The following LHPP variants were observed in gnomAD, a reference collection of about 807,000 sequenced individuals.
LHPP encodes phospholysine phosphohistidine inorganic pyrophosphate phosphatase.
A neutral mutation model predicts 30.3 loss-of-function variants in LHPP; 24 were observed. The observed-to-expected ratio is 0.79, with a 90% CI of 0.57 to 1.11. The LOEUF is 1.11. Ranked by LOEUF, LHPP falls within the 50% of genes most tolerant of loss-of-function variation. The pLI is 0.00. For missense variants in LHPP, 356 were observed against 367.2 expected (o/e 0.97, Z 0.25); for synonymous variants, 150 against 157.1 (o/e 0.95, Z 0.34).
intron 6 of LHPP, among the ~76,000 whole-genome samples, chr10:124,599,613 G>A (rs944214067): frequency 1.3e-5 from 2 of 152,212 alleles, no homozygotes; most frequent in East Asian, 1.9e-4. Context: ...CAAGTCCCAC[G>A]TGTCACTGGA....
chr10:124,589,307 TA>T (rs750911055), intron 6 of LHPP, among the ~76,000 whole-genome samples: 2 of 152,274 alleles, frequency 1.3e-5, no homozygotes, highest in Non-Finnish European at 2.9e-5. Flanking sequence ...CCGCAGGTCC[TA>T]ATTCCTTATC....
intron 6 of LHPP, among the ~76,000 whole-genome samples, chr10:124,571,378 C>T (rs749024528): frequency 1.3e-4 from 20 of 152,266 alleles, no homozygotes; most frequent in African/African-American, 3.4e-4. Context: ...TTTTGAGTAA[C>T]GAGCGGCCAT....
In LHPP at chr10:124,592,841, G is replaced by A. The variant is rs989541768; in HGVS notation, c.717-20423G>A. ...ATTCCGTCTAGGAATCGTCCAGGGC[G>A]CGGCAGCCCGCCAGGAGCCCGGGCA... On this transcript the variant is annotated intron_variant, in intron 6 of 6. Transcript: ENST00000368842. This position sits in a 1 kb window ranked among gnomAD's most constrained non-coding sequence, Gnocchi z 6.2. Among the ~76,000 whole-genome samples the A allele has an allele frequency of 1.1e-4, 16 of 152,378 alleles. 1 individual carries two copies. Among genetic ancestry groups the A allele is most frequent in the African/African-American group, 3.6e-4 (15 of 41,594 alleles).
At chr10:124,521,108 A>G (rs1196045379) in intron 6 of LHPP, among the ~76,000 whole-genome samples, 1 of 152,044 alleles carries the variant, frequency 6.6e-6, no homozygotes, top group Non-Finnish European at 1.5e-5. Context: ...ATACACTGAA[A>G]TGCTGGAGGG....
At chr10:124,484,348 A>C in intron 2 of LHPP, 22 bp downstream of exon 2, 1 of 1,600,050 alleles carries the variant, frequency 6.2e-7, no homozygotes, top group South Asian at 1.1e-5. Context: ...GGACACCAGG[A>C]CCTCACGGGG....
intron 6 of LHPP, among the ~76,000 whole-genome samples, chr10:124,591,016 T>C (rs1396948680): frequency 6.6e-6 from 1 of 152,168 alleles, no homozygotes; most frequent in East Asian, 1.9e-4. Context: ...GAGGAATTCC[T>C]GTTTCCTCAA....
At chr10:124,534,118 C>T (rs1466699607) in intron 6 of LHPP, among the ~76,000 whole-genome samples, 2 of 152,208 alleles carry the variant, frequency 1.3e-5, no homozygotes, top group African/African-American at 4.8e-5. Context: ...GTTGGAAACC[C>T]CTCAGAGGCC....
At chr10:124,531,206 G>C (rs995795650) in intron 6 of LHPP, among the ~76,000 whole-genome samples, 3 of 152,146 alleles carry the variant, frequency 2.0e-5, no homozygotes, top group African/African-American at 7.2e-5. Flanking sequence ...AAGGGCCTGA[G>C]GGATCCGCTG....
chr10:124,559,264 G>A (rs1228142453), intron 6 of LHPP, among the ~76,000 whole-genome samples: 1 of 152,242 alleles, frequency 6.6e-6, no homozygotes, highest in Non-Finnish European at 1.5e-5. Context: ...ATCTGAAGAT[G>A]AGTTTGAAGT....
intron 6 of LHPP, among the ~76,000 whole-genome samples, chr10:124,566,398 C>A (rs1031162133): frequency 5.3e-5 from 8 of 152,192 alleles, no homozygotes; most frequent in African/African-American, 1.9e-4. Flanking sequence ...CAGCTTCTGC[C>A]CAGCCTCCTC....
chr10:124,528,228 TGCTAGACCAG>T (rs1331004742), intron 6 of LHPP, among the ~76,000 whole-genome samples: 1 of 152,260 alleles, frequency 6.6e-6, no homozygotes, highest in African/African-American at 2.4e-5. Context: ...TGGTCTGTCC[TGCTAGACCAG>T]GCTGGTGGGA....
chr10:124,467,710 T>TTTGTTG lies in LHPP; in HGVS notation c.125+5741_125+5746dup, dbSNP rs10691946. On this transcript the variant is annotated intron_variant, in intron 1 of 6. Transcript: ENST00000368842. ...TTTTCTTTTGTGTGTGTGTGTGTTT[T>TTTGTTG]TTGTTGTTGTTGTTGTTGTTGTTTT... 5.4e-3 allele frequency among the ~76,000 whole-genome samples: 803 copies of TTTGTTG among 148,984 alleles called. 9 individuals are homozygous for TTTGTTG. Among genetic ancestry groups the TTTGTTG allele is most frequent in the African/African-American group, 0.018 (729 of 40,232 alleles).
At chr10:124,570,687 C>T (rs1433994324) in intron 6 of LHPP, among the ~76,000 whole-genome samples, 2 of 152,244 alleles carry the variant, frequency 1.3e-5, no homozygotes. Context: ...GATTCGCCCG[C>T]TCTGGGCATT....
At chr10:124,512,295 A>G (rs1195181616) in intron 5 of LHPP, among the ~76,000 whole-genome samples, 1 of 152,082 alleles carries the variant, frequency 6.6e-6, no homozygotes, top group Admixed American at 6.5e-5. Context: ...TCCTCAACGA[A>G]ACATTTCCTC....
chr10:124,562,161 G>A (rs1948406580), intron 6 of LHPP, among the ~76,000 whole-genome samples: 1 of 152,068 alleles, frequency 6.6e-6, no homozygotes, highest in Non-Finnish European at 1.5e-5. Context: ...TAAAAAATTA[G>A]CTGAGCATGG....
chr10:124,516,251 C>T (rs951554002), intron 5 of LHPP, among the ~76,000 whole-genome samples: 1 of 152,228 alleles, frequency 6.6e-6, no homozygotes, highest in Non-Finnish European at 1.5e-5. Flanking sequence ...TTGCAGTGTC[C>T]TCCCATGGCC....
intron 6 of LHPP, among the ~76,000 whole-genome samples, chr10:124,601,357 T>C (rs1268561638): frequency 1.3e-5 from 2 of 152,204 alleles, no homozygotes; most frequent in Non-Finnish European, 2.9e-5. Flanking sequence ...GGTTTCCAGC[T>C]CCTAGGTTTG....
At chr10:124,603,387 A>C (rs1350043990) in intron 6 of LHPP, among the ~76,000 whole-genome samples, 2 of 152,024 alleles carry the variant, frequency 1.3e-5, no homozygotes, top group African/African-American at 4.8e-5. Context: ...CAAGCACCTG[A>C]CAGGGCCACT....
Position 124,585,583 on chromosome 10 carries a change from C to G in LHPP, c.717-27681C>G, listed in dbSNP as rs1167978534. ...TGAGCTGAGATCGCGCCATCACACTCCAGTCTGGGCGACAGAACGAGACTC... is the reference window on the plus strand; with the variant it reads ...TGAGCTGAGATCGCGCCATCACACTGCAGTCTGGGCGACAGAACGAGACTC... On this transcript the variant is annotated intron_variant, in intron 6 of 6. Transcript: ENST00000368842. Among the ~76,000 whole-genome samples the G allele has an allele frequency of 4.0e-5, 6 of 151,396 alleles. 1 individual carries two copies. In the South Asian group the frequency reaches 1.0e-3, roughly 26 times the overall value.
Sources: gnomAD v4.1 joint callset for allele counts (sites outside exome capture counted in the v4.1 genomes callset) on GRCh38, gnomAD v4.1.1 for gene constraint, Gnocchi (gnomAD v3.1) non-coding constraint, MANE v1.5 for transcripts, NCBI Gene and HGNC (gene_info 2026-07-23, HGNC 2026-07-21) for gene names.